The following NME7 variants were observed in gnomAD, a reference collection of about 807,000 sequenced individuals.
NME7 encodes the protein nucleoside diphosphate kinase 7.
NME7 carries 41 observed loss-of-function variants against 49.1 expected under a neutral mutation model. The observed-to-expected ratio is 0.83, with a 90% CI of 0.65 to 1.08. NME7 has a LOEUF of 1.08. NME7 is among the 50% of genes least tolerant of loss of function. The pLI is 0.00. For missense variants in NME7, 423 were observed against 463.4 expected, an observed-to-expected ratio of 0.91 and a Z score of 0.80; for synonymous variants, 139 against 150.6, an observed-to-expected ratio of 0.92 and a Z score of 0.56.
At position 169,235,132 on chromosome 1, in the gene NME7, T is replaced by A. The variant is rs1199909843; in HGVS notation, c.887A>T (p.His296Leu). The change falls in exon 9 of 12, where the codon CAT becomes CTT. Residue 296 changes from histidine (H) to leucine (L), a missense_variant and splice_region_variant. His to Leu is a moderately conservative substitution (Grantham distance 99). Coordinates refer to ENST00000367811, the MANE Select transcript of NME7 (RefSeq NM_013330.5). Reference protein sequence around the residue: ...EVYKGVVTEYHDMVTEMYSGP... With the variant: ...EVYKGVVTEYLDMVTEMYSGP... ...TTTTACATTTACTTTTATACTTACA[T>A]GATATTCGGTCACTACTCCTTTATA... is the stretch of plus-strand genomic sequence containing the variant. The A allele has an allele frequency of 6.7e-7, 1 of 1,491,394 alleles. No individual in the cohort carries two copies. Among genetic ancestry groups the A allele is most frequent in the South Asian group, 1.2e-5 (1 of 84,634 alleles). The allele number at this position is 1,491,394 out of a possible 1,614,324, so 92.4% of individuals were successfully genotyped here.
intron 10 of NME7, among the ~76,000 whole-genome samples, chr1:169,179,422 C>G (rs1403992613): frequency 2.0e-5 from 3 of 152,106 alleles, no homozygotes; most frequent in African/African-American, 7.2e-5. Flanking sequence ...GACCTAGAGG[C>G]AGAAATACCG....
chr1:169,223,142 G>C (rs1374077701), intron 10 of NME7, among the ~76,000 whole-genome samples: 1 of 152,020 alleles, frequency 6.6e-6, no homozygotes, highest in East Asian at 1.9e-4. Context: ...AGAGGCCATG[G>C]GCATGTCATA....
chr1:169,141,798 G>A (rs12086665), intron 11 of NME7, among the ~76,000 whole-genome samples: 50,253 of 151,938 alleles, frequency 0.33, 8,857 homozygotes, highest in Non-Finnish European at 0.4. Context: ...AAAGCTCTTA[G>A]ATTGGATAAA....
intron 9 of NME7, among the ~76,000 whole-genome samples, chr1:169,234,434 T>C (rs1405263701): frequency 1.3e-5 from 2 of 152,094 alleles, no homozygotes; most frequent in African/African-American, 4.8e-5. Flanking sequence ...AAGCAGAAAA[T>C]ACAGGTGTAA....
At chr1:169,213,815 T>A (rs1455894842) in intron 10 of NME7, among the ~76,000 whole-genome samples, 2 of 148,566 alleles carry the variant, frequency 1.3e-5, no homozygotes, top group Non-Finnish European at 3.0e-5. Context: ...AATATAAAAA[T>A]AAAATAAATA....
intron 10 of NME7, among the ~76,000 whole-genome samples, chr1:169,207,025 G>A (rs1259294573): frequency 2.6e-5 from 4 of 152,038 alleles, no homozygotes; most frequent in African/African-American, 9.7e-5. Flanking sequence ...AACATCTGAG[G>A]ATAGGTAATT....
intron 7 of NME7, among the ~76,000 whole-genome samples, chr1:169,261,197 C>T (rs1649150461): frequency 7.5e-6 from 1 of 133,434 alleles, no homozygotes; most frequent in Non-Finnish European, 1.8e-5. Flanking sequence ...GATAATTAAG[C>T]TTATAAGTGA....
intron 4 of NME7, among the ~76,000 whole-genome samples, chr1:169,307,653 C>T (rs144111631): frequency 1.3e-5 from 2 of 152,290 alleles, no homozygotes; most frequent in African/African-American, 4.8e-5. Flanking sequence ...ACCAAGTCAT[C>T]AGACACTAGA....
intron 10 of NME7, among the ~76,000 whole-genome samples, chr1:169,179,601 T>C (rs1195624650): frequency 6.6e-6 from 1 of 152,128 alleles, no homozygotes. Flanking sequence ...AATGTACATA[T>C]ACACCATGGA....
At chr1:169,135,711 C>G (rs1185402267) in intron 11 of NME7, among the ~76,000 whole-genome samples, 2 of 152,060 alleles carry the variant, frequency 1.3e-5, no homozygotes, top group Non-Finnish European at 2.9e-5. Context: ...CCAATGAGCA[C>G]CCATATCCTA....
At chr1:169,146,228 G>T (rs1264786874) in intron 11 of NME7, among the ~76,000 whole-genome samples, 1 of 152,120 alleles carries the variant, frequency 6.6e-6, no homozygotes, top group Non-Finnish European at 1.5e-5. Context: ...CTACACATTT[G>T]TCTCAAATAA....
intron 4 of NME7, among the ~76,000 whole-genome samples, chr1:169,305,242 GA>G: frequency 6.6e-6 from 1 of 152,302 alleles, no homozygotes; most frequent in African/African-American, 2.4e-5. Context: ...TCACTATCTA[GA>G]GAAGTTTTTT....
chr1:169,322,962 AT>A (rs1462184446), intron 3 of NME7, among the ~76,000 whole-genome samples, 154 bp downstream of exon 3: 2 of 151,738 alleles, frequency 1.3e-5, no homozygotes. Flanking sequence ...GGTATTATCA[AT>A]TTTTTTTTAA....
chr1:169,348,794 T>C (rs979359992), intron 1 of NME7, among the ~76,000 whole-genome samples: 1 of 152,008 alleles, frequency 6.6e-6, no homozygotes, highest in African/African-American at 2.4e-5. Context: ...GAATTATGAA[T>C]TCCTGAAAAA....
intron 10 of NME7, among the ~76,000 whole-genome samples, chr1:169,212,684 C>G (rs1232883907): frequency 6.6e-6 from 1 of 150,850 alleles, no homozygotes; most frequent in Non-Finnish European, 1.5e-5. Flanking sequence ...CCACTGCAGC[C>G]TTTAAGTCCT....
At position 169,237,652 on chromosome 1, in the gene NME7, C is replaced by A; in HGVS notation, c.790G>T (p.Ala264Ser). 1 of 1,611,140 alleles carries A rather than the reference C, an allele frequency of 6.2e-7. No individual in the cohort carries two copies. The highest frequency in any genetic ancestry group is 8.5e-7 in the Non-Finnish European group (1 of 1,178,058). The change falls in exon 8 of 12, where the codon GCA becomes TCA. Residue 264 changes from alanine (A) to serine (S), a missense_variant. Ala to Ser is a moderately conservative substitution (Grantham distance 99). Transcript: ENST00000367811. ...LGKILMAIRD[A>S]GFEISAMQMF... is the part of the protein sequence containing the mutation. ...TGCATAGCTGAGATTTCAAAACCTG[C>A]ATCTCGGATAGCCATCAGGATCTTT...
At chr1:169,357,395 T>A (rs57556667) in intron 1 of NME7, among the ~76,000 whole-genome samples, 3,857 of 152,144 alleles carry the variant, frequency 0.025, 140 homozygotes, top group African/African-American at 0.086. Flanking sequence ...TAAATGCTTA[T>A]TATGTCAAGT....
At chr1:169,228,059 C>CAT (rs1647418760) in intron 10 of NME7, among the ~76,000 whole-genome samples, 1 of 151,516 alleles carries the variant, frequency 6.6e-6, no homozygotes, top group African/African-American at 2.4e-5. Flanking sequence ...CACACACACA[C>CAT]ACACACACAC....
intron 7 of NME7, among the ~76,000 whole-genome samples, chr1:169,258,485 T>C (rs68012439): frequency 0.093 from 11,605 of 124,576 alleles, 3,105 homozygotes; most frequent in East Asian, 0.76. Flanking sequence ...TTTTTTTTAA[T>C]AAACAGGTAC....
Sources: allele counts gnomAD v4.1 joint callset (sites outside exome capture counted in the v4.1 genomes callset), GRCh38; gene constraint gnomAD v4.1.1; transcripts MANE v1.5; gene names NCBI Gene and HGNC (gene_info 2026-07-23, HGNC 2026-07-21).